Variants in LHX4 observed in about 807,000 individuals in gnomAD.
LHX4 encodes the protein LIM homeobox 4, also known as LIM/homeobox protein Lhx4.
LHX4 carries 16 observed loss-of-function variants against 39.2 expected under a neutral mutation model. That is an observed-to-expected ratio of 0.41 (90% CI 0.28 to 0.62). The LOEUF (loss-of-function observed/expected upper bound fraction) is 0.62, where lower values mean the gene tolerates loss of function less well. Ranked by LOEUF, LHX4 falls within the 20% of genes least tolerant of loss-of-function variation. The pLI, the probability that LHX4 is intolerant of heterozygous loss-of-function variation, is 0.33. For synonymous variants in LHX4, 206 were observed against 198.1 expected, an observed-to-expected ratio of 1.04 and a Z score of -0.33; for missense variants, 439 against 511.9, an observed-to-expected ratio of 0.86 and a Z score of 1.37.
chr1:180,239,534 C>G (rs893168668), intron 1 of LHX4, among the ~76,000 whole-genome samples: 1 of 152,154 alleles, frequency 6.6e-6, no homozygotes, highest in Admixed American at 6.5e-5. Flanking sequence ...TTATTTGAGA[C>G]AGAGCTCAAA....
chr1:180,236,753 C>T (rs2149252787), intron 1 of LHX4, among the ~76,000 whole-genome samples: 1 of 152,156 alleles, frequency 6.6e-6, no homozygotes, highest in South Asian at 2.1e-4. Flanking sequence ...AGGAATAGAG[C>T]TGAGGAGCTT....
intron 1 of LHX4, among the ~76,000 whole-genome samples, chr1:180,244,989 G>A (rs1647332632): frequency 6.6e-6 from 1 of 152,226 alleles, no homozygotes; most frequent in Non-Finnish European, 1.5e-5. Context: ...TGGGCACACA[G>A]CACTGCCCTG....
chr1:180,276,923 C>A lies in LHX4; in HGVS notation c.*2344C>A, dbSNP rs1216145106. ...TTTGTAAGTTAATCATACTAATTCC[C>A]AGTTCAATAGTGGAAGGAGAGGCCT... On this transcript the variant is annotated 3_prime_UTR_variant, in exon 6 of 6. Coordinates refer to ENST00000263726, the MANE Select transcript of LHX4 (RefSeq NM_033343.4). 1 of 152,152 alleles carries A rather than the reference C, an allele frequency of 6.6e-6. No homozygotes were observed. The highest frequency in any genetic ancestry group is 1.5e-5 in the Non-Finnish European group (1 of 68,036). The allele number at this position is 152,152 out of a possible 1,614,324, so 9.4% of individuals were successfully genotyped here. A position where few individuals can be genotyped will look rare whatever the true frequency, so the allele number is the denominator to read the frequency against.
At chr1:180,239,463 G>A (rs1387969082) in intron 1 of LHX4, among the ~76,000 whole-genome samples, 1 of 152,240 alleles carries the variant, frequency 6.6e-6, no homozygotes, top group East Asian at 1.9e-4. Context: ...TTAGTAGTCA[G>A]TAAAGAAACT....
Position 180,253,904 on chromosome 1 carries a change from G to A in LHX4, c.248+5448G>A, listed in dbSNP as rs184506407. Among the ~76,000 whole-genome samples the A allele has an allele frequency of 1.3e-3, 195 of 152,312 alleles. 1 individual carries two copies. The highest frequency in any genetic ancestry group is 4.4e-3 in the African/African-American group (183 of 41,566). On this transcript the variant is annotated intron_variant, in intron 2 of 5. Transcript: ENST00000263726. The stretch of plus-strand genomic sequence containing the variant: ...AACTGCCTGGAGCTCCTCAGTTAGT[G>A]GGGGGTTAGCCTGGCAGAACGGGGT...
At chr1:180,258,421 G>A (rs1226269976) in intron 2 of LHX4, among the ~76,000 whole-genome samples, 1 of 152,136 alleles carries the variant, frequency 6.6e-6, no homozygotes, top group Non-Finnish European at 1.5e-5. Context: ...CCGTTAGGGA[G>A]CCTGTGGCTT....
intron 3 of LHX4, among the ~76,000 whole-genome samples, chr1:180,268,742 C>T (rs1184746490): frequency 6.6e-6 from 1 of 152,206 alleles, no homozygotes; most frequent in Non-Finnish European, 1.5e-5. Context: ...CACAGTATTT[C>T]TGGCCTGTTC....
chr1:180,274,071 G>A (rs1648863692), intron 5 of LHX4, 114 bp from the exon 6 acceptor site: 1 of 1,340,586 alleles, frequency 7.5e-7, no homozygotes, highest in South Asian at 1.2e-5. Context: ...TGGCTGCAAG[G>A]CAGCTGCCAT....
rs1648342192 is a variant in LHX4, at chr1:180,266,895, C to T, written c.451+301C>T. Among the ~76,000 whole-genome samples the T allele has an allele frequency of 6.6e-6, 1 of 152,228 alleles. No homozygotes were observed. Among genetic ancestry groups the T allele is most frequent in the African/African-American group, 2.4e-5 (1 of 41,460 alleles). On this transcript the variant is annotated intron_variant, in intron 3 of 5. Coordinates refer to ENST00000263726, the MANE Select transcript of LHX4 (RefSeq NM_033343.4). The surrounding 1 kb of genome is among the most constrained non-coding windows in gnomAD (Gnocchi z 5.7). Reference sequence around the variant, plus strand: ...ACCTGGTTGTTACCATGGTGGTGGCCTCCTTCCCTGGGTGGAGGCTGGGGT... The same window carrying T: ...ACCTGGTTGTTACCATGGTGGTGGCTTCCTTCCCTGGGTGGAGGCTGGGGT...
intron 2 of LHX4, among the ~76,000 whole-genome samples, chr1:180,257,408 T>C (rs1174633451): frequency 6.6e-6 from 1 of 152,166 alleles, no homozygotes; most frequent in Non-Finnish European, 1.5e-5. Context: ...TATGTGTGAA[T>C]GTGTGCATGT....
Position 180,278,170 on chromosome 1 carries a change from A to G in LHX4, c.*3591A>G, listed in dbSNP as rs1271353933. 6.6e-6 allele frequency: 1 copy of G among 152,248 alleles called. No homozygotes were observed. Among genetic ancestry groups the G allele is most frequent in the South Asian group, 2.1e-4 (1 of 4,836 alleles). 9.4% of individuals were successfully genotyped at this position (152,248 alleles called of 1,614,324 possible). A position where few individuals can be genotyped will look rare whatever the true frequency, so the allele number is the denominator to read the frequency against. ...AAATAATGACCATACCTCCCCAGCC[A>G]GCAGGGTCTGGAAGGCCTGAGGAGG... On this transcript the variant is annotated 3_prime_UTR_variant, in exon 6 of 6. Coordinates refer to ENST00000263726, the MANE Select transcript of LHX4 (RefSeq NM_033343.4).
At chr1:180,257,542 C>T (rs963190732) in intron 2 of LHX4, among the ~76,000 whole-genome samples, 2 of 152,096 alleles carry the variant, frequency 1.3e-5, no homozygotes, top group Non-Finnish European at 2.9e-5. Context: ...CTTTATGTGC[C>T]CATGACATGG....
chr1:180,242,784 G>A (rs1428968301), intron 1 of LHX4, among the ~76,000 whole-genome samples: 1 of 152,114 alleles, frequency 6.6e-6, no homozygotes, highest in Non-Finnish European at 1.5e-5. Flanking sequence ...AATGCTTATG[G>A]GCAGATAAGA....
chr1:180,249,451 G>T (rs1647511949), intron 2 of LHX4, among the ~76,000 whole-genome samples: 1 of 152,238 alleles, frequency 6.6e-6, no homozygotes, highest in Non-Finnish European at 1.5e-5. Context: ...AGAGCCGGAG[G>T]TGGGGGTTAG....
At chr1:180,250,704 G>A (rs74990830) in intron 2 of LHX4, among the ~76,000 whole-genome samples, 9,911 of 152,250 alleles carry the variant, frequency 0.065, 373 homozygotes, top group African/African-American at 0.079. Flanking sequence ...GGACCCCCCA[G>A]TGCTTCCTCA....
chr1:180,242,510 A>G (rs1405793862), intron 1 of LHX4, among the ~76,000 whole-genome samples: 1 of 152,024 alleles, frequency 6.6e-6, no homozygotes, highest in Non-Finnish European at 1.5e-5. Context: ...ATATATATAT[A>G]TCTGCGTGTA....
rs887206679 is a variant in LHX4 at position 180,275,023 on chromosome 1, T to C, written c.*444T>C. 6.9e-5 allele frequency: 11 copies of C among 158,770 alleles called. No homozygotes were observed. Among genetic ancestry groups the C allele is most frequent in the Middle Eastern group, 3.1e-3 (1 of 324 alleles). 9.8% of individuals were successfully genotyped at this position (158,770 alleles called of 1,614,324 possible). A position where few individuals can be genotyped will look rare whatever the true frequency, so the allele number is the denominator to read the frequency against. On this transcript the variant is annotated 3_prime_UTR_variant, in exon 6 of 6. Coordinates refer to ENST00000263726, the MANE Select transcript of LHX4 (RefSeq NM_033343.4). ...CCTAAGGTAGAGGCCTCACAGCCCT[T>C]GAGTAAAATAAAAGTGATTTCTGGA...
At chr1:180,237,464 T>C (rs1256040450) in intron 1 of LHX4, among the ~76,000 whole-genome samples, 1 of 152,214 alleles carries the variant, frequency 6.6e-6, no homozygotes, top group African/African-American at 2.4e-5. Flanking sequence ...GTCAACCATT[T>C]TGAGGCATTG....
At chr1:180,253,161 G>A (rs1159458853) in intron 2 of LHX4, among the ~76,000 whole-genome samples, 2 of 152,126 alleles carry the variant, frequency 1.3e-5, no homozygotes, top group African/African-American at 4.8e-5. Context: ...CCCAAGCTGC[G>A]GGGCAATGAC....
Sources: gnomAD v4.1 joint callset for allele counts (sites outside exome capture counted in the v4.1 genomes callset) on GRCh38, gnomAD v4.1.1 for gene constraint, Gnocchi (gnomAD v3.1) non-coding constraint, MANE v1.5 for transcripts, NCBI Gene and HGNC (gene_info 2026-07-23, HGNC 2026-07-21) for gene names.